Variants in LDB3 observed in about 807,000 individuals in gnomAD.
The protein encoded by LDB3 is LIM domain binding 3.
Under a neutral mutation model 69.0 loss-of-function variants are expected in LDB3, and 49 were observed. The observed-to-expected ratio is 0.71, with a 90% CI of 0.56 to 0.90. LDB3 has a LOEUF of 0.90. Ranked by LOEUF, LDB3 falls within the 40% of genes least tolerant of loss-of-function variation. The probability of loss-of-function intolerance (pLI) is 0.00; values close to 1 mark genes in which losing one functional copy is unlikely to be tolerated. For missense variants in LDB3, 928 were observed against 974.1 expected, an observed-to-expected ratio of 0.95 and a Z score of 0.63; for synonymous variants, 387 against 396.2, an observed-to-expected ratio of 0.98 and a Z score of 0.28.
intron 12 of LDB3, among the ~76,000 whole-genome samples, chr10:86,724,332 C>T (rs1564661755): frequency 1.3e-5 from 2 of 150,268 alleles, no homozygotes; most frequent in Admixed American, 6.6e-5. Context: ...AGGCTGGGCG[C>T]GGTGGCTCAC....
At chr10:86,669,266 T>C (rs1844328846) in intron 2 of LDB3, among the ~76,000 whole-genome samples, 1 of 152,044 alleles carries the variant, frequency 6.6e-6, no homozygotes, top group Non-Finnish European at 1.5e-5. Context: ...TGTCAGAGTG[T>C]GGGGCTGGGC....
At chr10:86,670,808 G>A (rs529554636) in intron 2 of LDB3, among the ~76,000 whole-genome samples, 15 of 152,246 alleles carry the variant, frequency 9.9e-5, no homozygotes, top group Non-Finnish European at 1.9e-4. Flanking sequence ...CCTAAGCCGC[G>A]GAGCAGGCTG....
chr10:86,669,784 G>A (rs1844360013), intron 2 of LDB3, among the ~76,000 whole-genome samples: 1 of 152,250 alleles, frequency 6.6e-6, no homozygotes, highest in Non-Finnish European at 1.5e-5. Context: ...CAAGGCCAGA[G>A]GGGGAGGCCC....
chr10:86,720,548 C>T (rs1474112028), intron 12 of LDB3, among the ~76,000 whole-genome samples: 1 of 147,798 alleles, frequency 6.8e-6, no homozygotes, highest in Admixed American at 6.8e-5. Context: ...GTCACTTACT[C>T]TGTGCCTCAG....
chr10:86,667,444 C>G (rs1844224747), upstream of LDB3, among the ~76,000 whole-genome samples: 1 of 152,142 alleles, frequency 6.6e-6, no homozygotes, highest in African/African-American at 2.4e-5. Flanking sequence ...AGGGGTTGGC[C>G]CAAAGACCGC....
chr10:86,699,529 C>T lies in LDB3; in HGVS notation c.896+6958C>T, dbSNP rs2132442329. On this transcript the variant is annotated intron_variant, in intron 7 of 13. Coordinates refer to ENST00000361373, the MANE Select transcript of LDB3 (RefSeq NM_007078.3). This position sits in a 1 kb window ranked among gnomAD's most constrained non-coding sequence, Gnocchi z 4.9. ...CCAACCGCAGCATTTCTGTCCTCTG[C>T]CCACCCCAGAGCTGATGCTGGGGCC... The T allele has an allele frequency of 6.0e-6, 9 of 1,501,134 alleles. No homozygotes were observed. Among genetic ancestry groups the T allele is most frequent in the East Asian group, 2.5e-5 (1 of 40,240 alleles). The allele number at this position is 1,501,134 out of a possible 1,614,324, so 93.0% of individuals were successfully genotyped here.
chr10:86,676,844 C>A (rs1844821881), intron 2 of LDB3, among the ~76,000 whole-genome samples: 1 of 152,232 alleles, frequency 6.6e-6, no homozygotes, highest in East Asian at 1.9e-4. Flanking sequence ...AGGGGACTGG[C>A]AGGAGCTTCC....
intron 4 of LDB3, among the ~76,000 whole-genome samples, chr10:86,680,931 G>A (rs1845084053): frequency 6.6e-6 from 1 of 152,218 alleles, no homozygotes; most frequent in Non-Finnish European, 1.5e-5. Flanking sequence ...AGGGCTGCTT[G>A]GGAGATGCTT....
At chr10:86,685,850 C>T (rs1396882607) in intron 5 of LDB3, 2 of 953,906 alleles carry the variant, frequency 2.1e-6, no homozygotes, top group African/African-American at 1.6e-5. Flanking sequence ...CCTGGGTGAG[C>T]CTGCATGTGT....
intron 6 of LDB3, 112 bp downstream of exon 6, chr10:86,692,177 T>G: frequency 7.8e-7 from 1 of 1,277,932 alleles, no homozygotes; most frequent in South Asian, 1.4e-5. Flanking sequence ...CCCTTGAAGG[T>G]GGGCCAGGCT....
rs1416729759 is a variant in LDB3 at position 86,699,238 on chromosome 10, T to C, written c.896+6667T>C. On this transcript the variant is annotated intron_variant, in intron 7 of 13. Transcript: ENST00000361373. This position sits in a 1 kb window ranked among gnomAD's most constrained non-coding sequence, Gnocchi z 4.9. ...CTCTCTCTTTCTGTCTCTGTCTCTG[T>C]TTCTCTCTCTCTCTCTCTCTCTCTC... The C allele has an allele frequency of 1.7e-5, 25 of 1,510,932 alleles. No homozygotes were observed. The highest frequency in any genetic ancestry group is 2.1e-5 in the Non-Finnish European group (24 of 1,134,982). 93.6% of individuals were successfully genotyped at this position (1,510,932 alleles called of 1,614,324 possible).
chr10:86,703,409 G>C (rs1444508237), intron 7 of LDB3, among the ~76,000 whole-genome samples: 1 of 152,254 alleles, frequency 6.6e-6, no homozygotes, highest in Admixed American at 6.5e-5. Context: ...TGGGTTCGTG[G>C]AAGGGCCAGG....
At chr10:86,691,841 G>C in intron 5 of LDB3, 55 bp from the exon 6 acceptor site, 8 of 1,599,132 alleles carry the variant, frequency 5.0e-6, no homozygotes, top group Non-Finnish European at 6.9e-6. Context: ...GACCCAGCAG[G>C]GTGGGAACTG....
intron 7 of LDB3, among the ~76,000 whole-genome samples, chr10:86,703,144 A>C (rs114721547): frequency 1.3e-5 from 2 of 152,154 alleles, no homozygotes; most frequent in Admixed American, 1.3e-4. Flanking sequence ...CCCAGCCTGG[A>C]CACTGTCATT....
intron 7 of LDB3, among the ~76,000 whole-genome samples, chr10:86,697,214 ACTTT>A (rs1846036631): frequency 1.0e-5 from 1 of 99,158 alleles, no homozygotes; most frequent in South Asian, 3.4e-4. Context: ...CTAGCAATTC[ACTTT>A]TTTTTTTTTT....
In LDB3 at chr10:86,681,514, G is replaced by A. The variant is rs2132371398; in HGVS notation, c.400G>A (p.Gly134Ser). 3.1e-6 allele frequency: 5 copies of A among 1,611,846 alleles called. No individual in the cohort carries two copies. In the South Asian group the frequency reaches 5.5e-5, roughly 18 times the overall value. ...PEARASPGTPGTPELRPTFSP... is the reference protein window; with the variant it reads ...PEARASPGTPSTPELRPTFSP... Reference sequence around the variant, plus strand: ...GGCGAGGGCCAGCCCAGGCACCCCAGGCACCCCGGAGCTCAGGCCCACCTT... The same window carrying A: ...GGCGAGGGCCAGCCCAGGCACCCCAAGCACCCCGGAGCTCAGGCCCACCTT... The change falls in exon 5 of 14, where the codon GGC (glycine) becomes AGC (serine). Residue 134 changes from glycine (G) to serine (S), a missense_variant. Gly to Ser is a moderately conservative substitution (Grantham distance 56, BLOSUM62 0). Coordinates refer to ENST00000361373, the MANE Select transcript of LDB3 (RefSeq NM_007078.3).
chr10:86,682,946 C>T (rs1455944223), intron 5 of LDB3, among the ~76,000 whole-genome samples: 4 of 152,156 alleles, frequency 2.6e-5, no homozygotes, highest in Non-Finnish European at 4.4e-5. Context: ...TCCCCACCCC[C>T]CCAGCTCTTT....
chr10:86,725,123 C>A (rs191317654), intron 12 of LDB3, among the ~76,000 whole-genome samples: 12 of 152,316 alleles, frequency 7.9e-5, no homozygotes, highest in African/African-American at 2.9e-4. Flanking sequence ...AATGCGTACA[C>A]TTCTCAGGAG....
chr10:86,723,234 C>T (rs145888993), intron 12 of LDB3, among the ~76,000 whole-genome samples: 14 of 128,828 alleles, frequency 1.1e-4, no homozygotes, highest in African/African-American at 3.3e-4. Context: ...CACATCATTG[C>T]ACTCCATCCT....
Sources: gnomAD v4.1 joint callset for allele counts (sites outside exome capture counted in the v4.1 genomes callset) on GRCh38, gnomAD v4.1.1 for gene constraint, Gnocchi (gnomAD v3.1) non-coding constraint, MANE v1.5 for transcripts, NCBI Gene and HGNC (gene_info 2026-07-23, HGNC 2026-07-21) for gene names.